The following ATG16L2 variants were observed in gnomAD, a reference collection of about 807,000 sequenced individuals.
ATG16L2 encodes protein Atg16l2.
A neutral mutation model predicts 84.7 loss-of-function variants in ATG16L2; 77 were observed. The observed-to-expected ratio is 0.91, with a 90% CI of 0.76 to 1.10. The LOEUF is 1.10. ATG16L2 is among the 50% of genes least tolerant of loss of function. ATG16L2 has a pLI of 0.00. For synonymous variants in ATG16L2, 361 were observed against 342.8 expected, an observed-to-expected ratio of 1.05 and a Z score of -0.59; for missense variants, 782 against 817.6, an observed-to-expected ratio of 0.96 and a Z score of 0.53.
At chr11:72,835,512 T>G (rs1860707793) in intron 5 of ATG16L2, among the ~76,000 whole-genome samples, 1 of 152,066 alleles carries the variant, frequency 6.6e-6, no homozygotes, top group African/African-American at 2.4e-5. Flanking sequence ...AACCACAGTC[T>G]TATTCTCAGG....
rs1406895739 is a variant in ATG16L2, at chr11:72,828,890, A to G, written c.1678A>G (p.Arg560Gly). 6.2e-7 allele frequency: 1 copy of G among 1,614,154 alleles called. No homozygotes were observed. Among genetic ancestry groups the G allele is most frequent in the South Asian group, 1.1e-5 (1 of 91,074 alleles). ...CTGCTGTGGCCACTACAGCCCGGAC[A>G]GAAGCTATGCACTGGCAGGCTCCTG... is the stretch of plus-strand genomic sequence containing the variant. ...DWTKAVFSPD[R>G]SYALAGSCDG... is the part of the protein sequence containing the mutation. Residue 560 changes from arginine to glycine, a missense_variant, in exon 17 of 18, where the codon AGA (arginine) becomes GGA (glycine). Transcript: ENST00000321297.
chr11:72,826,627 G>A (rs1217393299), intron 12 of ATG16L2, 38 bp downstream of exon 12: 28 of 1,614,132 alleles, frequency 1.7e-5, no homozygotes, highest in East Asian at 4.5e-5. Flanking sequence ...GAGGTCAGAG[G>A]TCATACCTCA....
intron 7 of ATG16L2, 26 bp from the exon 8 acceptor site, chr11:72,824,034 G>T (rs201827763): frequency 6.2e-7 from 1 of 1,613,936 alleles, no homozygotes; most frequent in Admixed American, 1.7e-5. Context: ...CAGTCCCTTA[G>T]CATATCTCTC....
chr11:72,838,651 G>A, intron 5 of ATG16L2: 1 of 670,920 alleles, frequency 1.5e-6, no homozygotes, highest in South Asian at 1.8e-5. Flanking sequence ...GAGTCTACCA[G>A]GCCACCCAGT....
intron 5 of ATG16L2, among the ~76,000 whole-genome samples, chr11:72,836,589 A>G (rs1251715897): frequency 1.3e-5 from 2 of 152,122 alleles, no homozygotes; most frequent in Admixed American, 6.5e-5. Context: ...TGGGGGCTTC[A>G]GGGACTGTCT....
chr11:72,829,073 C>T, intron 17 of ATG16L2, 89 bp downstream of exon 17: 5 of 1,356,302 alleles, frequency 3.7e-6, no homozygotes, highest in Middle Eastern at 1.9e-4. Flanking sequence ...CTGGAGTCCC[C>T]AGCCCTTGTC....
intron 10 of ATG16L2, 142 bp from the exon 11 acceptor site, chr11:72,826,031 A>G (rs1409885696): frequency 2.9e-6 from 2 of 683,090 alleles, no homozygotes; most frequent in African/African-American, 1.8e-5. Flanking sequence ...AGGCCCGCAG[A>G]ACAGACCCAG....
At chr11:72,823,719 T>A (rs893572115) in intron 7 of ATG16L2, 2 of 481,478 alleles carry the variant, frequency 4.2e-6, no homozygotes, top group Non-Finnish European at 8.2e-6. Flanking sequence ...TCCCCCCTCC[T>A]CCCATCCCCA....
At chr11:72,843,272 G>A (rs773351939) in exon 6 of ATG16L2, 2 of 1,613,858 alleles carry the variant, frequency 1.2e-6, no homozygotes, top group African/African-American at 2.7e-5. Flanking sequence ...TGTTCGAGGT[G>A]GGAAACTGTA....
chr11:72,818,527 G>A (rs1463702154), intron 3 of ATG16L2: 1 of 152,192 alleles, frequency 6.6e-6, no homozygotes, highest in Non-Finnish European at 1.5e-5. Flanking sequence ...GCTTTTTGGA[G>A]ATCACATCTA....
At chr11:72,816,670 G>A in intron 1 of ATG16L2, 58 bp from the exon 2 acceptor site, 1 of 1,401,062 alleles carries the variant, frequency 7.1e-7, no homozygotes, top group Non-Finnish European at 1.0e-6. Flanking sequence ...TAAATTGCAT[G>A]CCAGGGGGCT....
intron 12 of ATG16L2, 27 bp downstream of exon 12, chr11:72,826,616 G>A (rs1264132522): frequency 6.2e-7 from 1 of 1,614,022 alleles, no homozygotes; most frequent in Non-Finnish European, 8.5e-7. Flanking sequence ...GAGGCTGCCT[G>A]GAGGTCAGAG....
chr11:72,838,957 G>A lies in ATG16L2; in HGVS notation c.*22-3660G>A, dbSNP rs955776867. ...ATCCCCAAAACCTAATCACTCATCT[G>A]TCCAAGGACATGGGCACCCTAGGGG... is the stretch of plus-strand genomic sequence containing the variant. On this transcript the variant is annotated intron_variant, in intron 5 of 5. Coordinates refer to the ATG16L2 transcript ENST00000534905. 2.5e-5 allele frequency: 33 copies of A among 1,297,586 alleles called. No homozygotes were observed. In the African/African-American group the frequency reaches 4.7e-4, roughly 18 times the overall value. The allele number at this position is 1,297,586 out of a possible 1,614,324, so 80.4% of individuals were successfully genotyped here.
At chr11:72,826,316 G>T (rs1386202368) in intron 11 of ATG16L2, 73 bp downstream of exon 11, 12 of 1,530,058 alleles carry the variant, frequency 7.8e-6, no homozygotes, top group Non-Finnish European at 1.1e-5. Flanking sequence ...GGGGGCTGTG[G>T]GACCTGAGGG....
At chr11:72,836,774 T>G (rs1391849871) in intron 5 of ATG16L2, 1 of 152,596 alleles carries the variant, frequency 6.6e-6, no homozygotes. Context: ...ATTCAACATT[T>G]TATACATAAT....
chr11:72,833,846 C>T (rs1860657998), downstream of ATG16L2, among the ~76,000 whole-genome samples: 1 of 151,908 alleles, frequency 6.6e-6, no homozygotes, highest in African/African-American at 2.4e-5. Flanking sequence ...TCGCTTGAAC[C>T]CAGGAGGCAG....
Position 72,817,822 on chromosome 11 carries a change from G to A in ATG16L2, c.285G>A (p.Glu95=), listed in dbSNP as rs779676341. 13 of 1,612,788 alleles carry A rather than the reference G, an allele frequency of 8.1e-6. No individual in the cohort carries two copies. Among genetic ancestry groups the A allele is most frequent in the African/African-American group, 2.7e-5 (2 of 74,928 alleles). Residue 95 remains glutamate (E), a synonymous_variant, in exon 3 of 18, where the codon GAG becomes GAA. Coordinates refer to ENST00000321297, the MANE Select transcript of ATG16L2 (RefSeq NM_033388.2). ...SLVALRVKWQ[E]EEEGLRLVCG... The stretch of plus-strand genomic sequence containing the variant: ...TCGCACTGAGGGTGAAGTGGCAGGA[G>A]GAGGAGGAGGGGCTCCGGCTGGTCT...
At chr11:72,825,774 G>A (rs532927825) in intron 10 of ATG16L2, among the ~76,000 whole-genome samples, 16 of 152,254 alleles carry the variant, frequency 1.1e-4, no homozygotes, top group African/African-American at 3.9e-4. Context: ...CAGAACTCAG[G>A]TAAGAGACAA....
At chr11:72,831,685 A>T (rs934376515), downstream of ATG16L2, among the ~76,000 whole-genome samples, 14 of 152,222 alleles carry the variant, frequency 9.2e-5, no homozygotes, top group African/African-American at 3.4e-4. Flanking sequence ...GTTTCCAGGG[A>T]CACATGGCTG....
Sources: gnomAD v4.1 joint callset for allele counts (sites outside exome capture counted in the v4.1 genomes callset) on GRCh38, gnomAD v4.1.1 for gene constraint, MANE v1.5 for transcripts, NCBI Gene and HGNC (gene_info 2026-07-23, HGNC 2026-07-21) for gene names.